Variants in MS4A18 observed in about 807,000 individuals in gnomAD.
The protein encoded by MS4A18 is membrane-spanning 4-domains subfamily A member 18.
In MS4A18, 27 loss-of-function variants were observed where a neutral mutation model predicts 13.1. The ratio of observed to expected loss-of-function variants is 2.06; its 90% confidence interval spans 1.52 to 2.84. The LOEUF (loss-of-function observed/expected upper bound fraction) is 2.84, where lower values mean the gene tolerates loss of function less well. Ranked by LOEUF, MS4A18 falls within the 30% of genes most tolerant of loss-of-function variation. The pLI, the probability that MS4A18 is intolerant of heterozygous loss-of-function variation, is 0.00. For synonymous variants in MS4A18, 126 were observed against 76.5 expected, an observed-to-expected ratio of 1.65 and a Z score of -3.38; for missense variants, 307 against 196.4, an observed-to-expected ratio of 1.56 and a Z score of -3.37.
chr11:60,727,929 G>A (rs966636155), upstream of MS4A18, among the ~76,000 whole-genome samples: 10 of 152,060 alleles, frequency 6.6e-5, no homozygotes, highest in Non-Finnish European at 1.3e-4. Context: ...AATATCCCAG[G>A]TCTCCCCCCA....
intron 1 of MS4A18, among the ~76,000 whole-genome samples, chr11:60,732,140 G>T (rs145418285): frequency 2.6e-5 from 4 of 152,262 alleles, no homozygotes; most frequent in African/African-American, 9.6e-5. Context: ...AAATGCTGTA[G>T]GAGCCCCAAA....
upstream of MS4A18, among the ~76,000 whole-genome samples, chr11:60,728,549 C>T (rs1320857838): frequency 6.6e-6 from 1 of 150,574 alleles, no homozygotes; most frequent in East Asian, 1.9e-4. Flanking sequence ...GTCTTCCTCC[C>T]TCCTTCCCTC....
chr11:60,731,598 CT>C (rs2134674925), intron 1 of MS4A18, among the ~76,000 whole-genome samples: 1 of 152,316 alleles, frequency 6.6e-6, no homozygotes, highest in Non-Finnish European at 1.5e-5. Context: ...AGACATCATT[CT>C]ATTTATAGCA....
intron 4 of MS4A18, among the ~76,000 whole-genome samples, chr11:60,740,345 C>T (rs148491901): frequency 0.017 from 2,665 of 152,296 alleles, 36 homozygotes; most frequent in Middle Eastern, 0.031. Flanking sequence ...AGGCCCAGAG[C>T]ACACTGAGCT....
At chr11:60,740,849 A>C (rs1444316468) in intron 4 of MS4A18, among the ~76,000 whole-genome samples, 181 bp from the exon 6 acceptor site, 3 of 152,184 alleles carry the variant, frequency 2.0e-5, no homozygotes, top group Non-Finnish European at 4.4e-5. Context: ...AAGTCAGGCC[A>C]GTGACTAAGA....
At chr11:60,725,890 C>T (rs2134670518), upstream of MS4A18, among the ~76,000 whole-genome samples, 1 of 152,138 alleles carries the variant, frequency 6.6e-6, no homozygotes, top group Middle Eastern at 3.4e-3. Context: ...GCATCAACAT[C>T]CAAGGATGCT....
At chr11:60,730,001 G>T (rs915723977) in intron 1 of MS4A18, among the ~76,000 whole-genome samples, 1 of 152,118 alleles carries the variant, frequency 6.6e-6, no homozygotes, top group Non-Finnish European at 1.5e-5. Flanking sequence ...TGGTTTGGGG[G>T]ATAAAGGTTT....
At chr11:60,728,236 A>T (rs562248197), upstream of MS4A18, among the ~76,000 whole-genome samples, 6 of 152,344 alleles carry the variant, frequency 3.9e-5, no homozygotes, top group Admixed American at 2.0e-4. Flanking sequence ...AAACCAATTA[A>T]TGTTGAAAAA....
At chr11:60,732,309 G>T (rs888724505) in intron 1 of MS4A18, among the ~76,000 whole-genome samples, 2 of 152,106 alleles carry the variant, frequency 1.3e-5, no homozygotes, top group Non-Finnish European at 2.9e-5. Flanking sequence ...CACAGGACTT[G>T]CAGGGGACAG....
intron 1 of MS4A18, among the ~76,000 whole-genome samples, chr11:60,731,237 T>G (rs1008497542): frequency 6.6e-6 from 1 of 152,248 alleles, no homozygotes; most frequent in Non-Finnish European, 1.5e-5. Context: ...CTATCATTAT[T>G]ATTAATTAAT....
At chr11:60,743,103 G>A (rs1051338900) in intron 5 of MS4A18, among the ~76,000 whole-genome samples, 5 of 152,184 alleles carry the variant, frequency 3.3e-5, no homozygotes, top group African/African-American at 1.2e-4. Flanking sequence ...CAAACCCAAT[G>A]CATGTGTTGG....
exon 1 of MS4A18, chr11:60,729,733 T>C: frequency 4.3e-6 from 3 of 702,716 alleles, no homozygotes; most frequent in Non-Finnish European, 7.8e-6. Context: ...ATTTGCATCA[T>C]TTACTTCATT....
At chr11:60,740,398 G>A (rs1293709817) in intron 4 of MS4A18, among the ~76,000 whole-genome samples, 1 of 152,164 alleles carries the variant, frequency 6.6e-6, no homozygotes, top group Non-Finnish European at 1.5e-5. Flanking sequence ...TGTCTTGACA[G>A]AATCCCTTGA....
Position 60,733,664 on chromosome 11 carries a change from A to ATGGTC in MS4A18, c.591+19_591+23dup. On this transcript the variant is annotated intron_variant, in intron 2 of 5. Coordinates refer to ENST00000529108, the Ensembl canonical transcript of MS4A18. ...GGATTATCCGTGAGTACAAGGCCAT[A>ATGGTC]TGGTCTCCTTCCTGGGTCACCAGAC... 1.4e-6 allele frequency: 1 copy of ATGGTC among 703,528 alleles called. No homozygotes were observed. The highest frequency in any genetic ancestry group is 2.6e-6 in the Non-Finnish European group (1 of 385,124). 43.6% of individuals were successfully genotyped at this position (703,528 alleles called of 1,614,324 possible).
chr11:60,741,603 T>C (rs534891111), intron 5 of MS4A18, among the ~76,000 whole-genome samples: 4 of 152,274 alleles, frequency 2.6e-5, no homozygotes, highest in African/African-American at 7.2e-5. Context: ...TCACAGTCAG[T>C]CACATGGCCG....
At chr11:60,726,059 T>G (rs948522512), upstream of MS4A18, among the ~76,000 whole-genome samples, 1 of 152,214 alleles carries the variant, frequency 6.6e-6, no homozygotes, top group African/African-American at 2.4e-5. Flanking sequence ...AGAACATTTC[T>G]TCTGGGAAAT....
At chr11:60,734,604 T>A (rs1853307586) in intron 2 of MS4A18, among the ~76,000 whole-genome samples, 1 of 151,916 alleles carries the variant, frequency 6.6e-6, no homozygotes, top group South Asian at 2.1e-4. Context: ...TTAGATGAGG[T>A]CCCTAGGGTG....
At chr11:60,739,945 T>C (rs1245054407) in intron 4 of MS4A18, among the ~76,000 whole-genome samples, 1 of 152,154 alleles carries the variant, frequency 6.6e-6, no homozygotes, top group African/African-American at 2.4e-5. Context: ...AAACCAGACA[T>C]GTCTACAGGG....
At chr11:60,725,910 A>T (rs1175562860), upstream of MS4A18, among the ~76,000 whole-genome samples, 1 of 152,152 alleles carries the variant, frequency 6.6e-6, no homozygotes, top group Non-Finnish European at 1.5e-5. Flanking sequence ...TGTAGTTGTT[A>T]TTCTAAACCA....
Sources: allele counts gnomAD v4.1 joint callset (sites outside exome capture counted in the v4.1 genomes callset), GRCh38; gene constraint gnomAD v4.1.1; transcripts MANE v1.5; gene names NCBI Gene and HGNC (gene_info 2026-07-23, HGNC 2026-07-21).